CSNK2A1: variants seen among roughly 807,000 people sequenced by gnomAD.
CSNK2A1 encodes casein kinase II subunit alpha.
Under a neutral mutation model 62.9 loss-of-function variants are expected in CSNK2A1, and 10 were observed. The ratio of observed to expected loss-of-function variants is 0.16; its 90% CI spans 0.10 to 0.27. CSNK2A1 has a LOEUF of 0.27. Among genes scored for constraint, CSNK2A1 ranks in the 10% least tolerant of loss-of-function variants. CSNK2A1 has a pLI of 1.00. For missense variants in CSNK2A1, 160 were observed against 492.0 expected (o/e 0.33, Z 6.38); for synonymous variants, 124 against 167.8 (o/e 0.74, Z 2.02).
chr20:541,039 C>G (rs1056394252), intron 1 of CSNK2A1: 1 of 152,176 alleles, frequency 6.6e-6, no homozygotes, highest in Admixed American at 6.5e-5. Flanking sequence ...CAGCCAGGGA[C>G]TGGTCTTTGC....
chr20:514,318 T>C (rs1235395603), intron 2 of CSNK2A1, among the ~76,000 whole-genome samples: 1 of 151,794 alleles, frequency 6.6e-6, no homozygotes. Context: ...CACTCCAACC[T>C]GGGTGACAGA....
chr20:526,441 T>G (rs2019091562), intron 2 of CSNK2A1, among the ~76,000 whole-genome samples: 1 of 151,582 alleles, frequency 6.6e-6, no homozygotes, highest in South Asian at 2.1e-4. Flanking sequence ...TGAGACTCCA[T>G]CTCAAAAAAA....
intron 1 of CSNK2A1, among the ~76,000 whole-genome samples, chr20:538,553 C>G (rs1443494336): frequency 1.3e-5 from 2 of 152,222 alleles, no homozygotes; most frequent in Non-Finnish European, 2.9e-5. Flanking sequence ...TAATAGGATA[C>G]TTTAAAGAAC....
chr20:500,144 A>G (rs2018430267), intron 4 of CSNK2A1: 1 of 527,338 alleles, frequency 1.9e-6, no homozygotes, highest in African/African-American at 1.9e-5. Flanking sequence ...AAAGAAAAAA[A>G]GATTTCTATT....
intron 2 of CSNK2A1, among the ~76,000 whole-genome samples, chr20:519,828 A>G (rs2018908076): frequency 1.3e-5 from 2 of 152,224 alleles, no homozygotes; most frequent in South Asian, 4.1e-4. Flanking sequence ...CCAAACAAAC[A>G]CTGATTATAC....
rs999845827 is a variant in CSNK2A1 at position 486,281 on chromosome 20, C to T, written c.1060+95G>A. ...AAAAAAAGTCACAAGGCCACCAGTA[C>T]GGAGAAGAGAAGGTATACAAGAAAT... On this transcript the variant is annotated intron_variant, in intron 13 of 13. Transcript: ENST00000217244. The T allele has an allele frequency of 2.0e-5, 28 of 1,431,856 alleles. No individual in the cohort carries two copies. The East Asian group carries it at 2.1e-4, about 11-fold the overall frequency. 88.7% of individuals were successfully genotyped at this position (1,431,856 alleles called of 1,614,324 possible). A position where few individuals can be genotyped will look rare whatever the true frequency, so the allele number is the denominator to read the frequency against.
At chr20:508,329 T>C in intron 3 of CSNK2A1, 122 bp downstream of exon 3, 12 of 1,055,832 alleles carry the variant, frequency 1.1e-5, no homozygotes, top group Non-Finnish European at 1.6e-5. Flanking sequence ...AAACACAAAT[T>C]GGGCTTTGAT....
At chr20:522,554 T>TA (rs2018973443) in intron 2 of CSNK2A1, among the ~76,000 whole-genome samples, 2 of 152,200 alleles carry the variant, frequency 1.3e-5, no homozygotes, top group Admixed American at 6.6e-5. Context: ...GACTGGAGGA[T>TA]ACTAAGGAGA....
intron 13 of CSNK2A1, 101 bp from the exon 14 acceptor site, chr20:484,177 T>G (rs1298466331): frequency 2.1e-6 from 2 of 964,204 alleles, no homozygotes; most frequent in Non-Finnish European, 2.9e-6. Context: ...AATTCTTTAC[T>G]GAAGACTTCC....
At chr20:542,827 T>C (rs1301189358) in intron 1 of CSNK2A1, among the ~76,000 whole-genome samples, 1 of 152,232 alleles carries the variant, frequency 6.6e-6, no homozygotes, top group Admixed American at 6.5e-5. Flanking sequence ...TGCCACCTTC[T>C]TTTCAAAACT....
In CSNK2A1 at chr20:534,480, A is replaced by G. The variant is rs183210438; in HGVS notation, c.-226-6431T>C. ...AAAAGCTTTTCTGTGTGGCTACTGA[A>G]GGGAGAAAGGAAGACAACTGAGACA... On this transcript the variant is annotated intron_variant, in intron 1 of 13. Coordinates refer to ENST00000217244, the MANE Select transcript of CSNK2A1 (RefSeq NM_177559.3). Among the ~76,000 whole-genome samples, 73 of 152,326 alleles carry G rather than the reference A, an allele frequency of 4.8e-4. No homozygotes were observed. The East Asian group carries it at 5.6e-3, about 12-fold the overall frequency.
At position 499,857 on chromosome 20, in the gene CSNK2A1, C is replaced by T. The variant is rs376238266; in HGVS notation, c.291G>A (p.Leu97=). ...NLRGGPNIIT[L]ADIVKDPVSR... is the part of the protein sequence containing the mutation. ...CCACAGGGTCTTTTACAATGTCTGCCAGTGTGATGATGTTGGGACCTCCTC... is the reference window on the plus strand; with the variant it reads ...CCACAGGGTCTTTTACAATGTCTGCTAGTGTGATGATGTTGGGACCTCCTC... Residue 97 remains leucine (L), a synonymous_variant, in exon 5 of 14, where the codon CTG becomes CTA. Transcript: ENST00000217244. This position sits in a 1 kb window ranked among gnomAD's most constrained non-coding sequence, Gnocchi z 4.2. 1 of 1,613,610 alleles carries T rather than the reference C, an allele frequency of 6.2e-7. No homozygotes were observed. Among genetic ancestry groups the T allele is most frequent in the Non-Finnish European group, 8.5e-7 (1 of 1,179,982 alleles).
At chr20:537,820 ATTAT>A (rs1377954566) in intron 1 of CSNK2A1, among the ~76,000 whole-genome samples, 1 of 152,204 alleles carries the variant, frequency 6.6e-6, no homozygotes, top group Non-Finnish European at 1.5e-5. Context: ...CAAGTATCAC[ATTAT>A]TTATTACCTT....
chr20:499,565 G>A lies in CSNK2A1; in HGVS notation c.316-260C>T, dbSNP rs1215462428. On this transcript the variant is annotated intron_variant, in intron 5 of 13. Coordinates refer to ENST00000217244, the MANE Select transcript of CSNK2A1 (RefSeq NM_177559.3). This position sits in a 1 kb window ranked among gnomAD's most constrained non-coding sequence, Gnocchi z 4.2. ...CCGACAATGCGCCCATCGCCCATCG[G>A]CATCGGACCTGAGTTTGCAAAATGG... 1.8e-6 allele frequency: 1 copy of A among 551,790 alleles called. No homozygotes were observed. Among genetic ancestry groups the A allele is most frequent in the African/African-American group, 1.9e-5 (1 of 53,130 alleles). The allele number at this position is 551,790 out of a possible 1,614,324, so 34.2% of individuals were successfully genotyped here.
intron 1 of CSNK2A1, among the ~76,000 whole-genome samples, chr20:531,700 T>TA (rs1032151259): frequency 3.3e-4 from 50 of 152,274 alleles, no homozygotes; most frequent in African/African-American, 1.2e-3. Flanking sequence ...ACATAAATAT[T>TA]AAAAAATTAA....
At chr20:510,601 T>C (rs1359976507) in intron 2 of CSNK2A1, among the ~76,000 whole-genome samples, 1 of 152,182 alleles carries the variant, frequency 6.6e-6, no homozygotes, top group African/African-American at 2.4e-5. Context: ...TGTATATATA[T>C]AGCACACATG....
Position 482,997 on chromosome 20 carries a change from T to G in CSNK2A1, c.*964A>C, listed in dbSNP as rs530429110. On this transcript the variant is annotated 3_prime_UTR_variant, in exon 14 of 14. Coordinates refer to ENST00000217244, the MANE Select transcript of CSNK2A1 (RefSeq NM_177559.3). ...AGAAAGCTTAAAATGGAAGTCAGTG[T>G]GGCCACATCTCCCATTAGCTCTAGC... 2 of 152,554 alleles carry G rather than the reference T, an allele frequency of 1.3e-5. No homozygotes were observed. Among genetic ancestry groups the G allele is most frequent in the African/African-American group, 4.8e-5 (2 of 41,586 alleles). 9.5% of individuals were successfully genotyped at this position (152,554 alleles called of 1,614,324 possible). A position where few individuals can be genotyped will look rare whatever the true frequency, so the allele number is the denominator to read the frequency against.
At chr20:507,424 T>C (rs1474322895) in intron 3 of CSNK2A1, 4 of 152,230 alleles carry the variant, frequency 2.6e-5, no homozygotes, top group Admixed American at 6.5e-5. Context: ...TCAAATTGCT[T>C]TCTTTTGCAC....
At chr20:488,382 A>G (rs2122508895) in intron 11 of CSNK2A1, 1 of 273,666 alleles carries the variant, frequency 3.7e-6, no homozygotes, top group East Asian at 9.1e-5. Flanking sequence ...TAAAGAAGCA[A>G]GGTAAATTTT....
Sources: allele counts gnomAD v4.1 joint callset (sites outside exome capture counted in the v4.1 genomes callset), GRCh38; gene constraint gnomAD v4.1.1; non-coding constraint Gnocchi (gnomAD v3.1); transcripts MANE v1.5; gene names NCBI Gene and HGNC (gene_info 2026-07-23, HGNC 2026-07-21).